Variants in DLC1 observed in about 807,000 individuals in gnomAD.
DLC1 encodes rho GTPase-activating protein 7.
Under a neutral mutation model 140.3 loss-of-function variants are expected in DLC1, and 54 were observed. The observed-to-expected ratio is 0.38, with a 90% CI of 0.31 to 0.48. DLC1 has a LOEUF of 0.48. Among genes scored for constraint, DLC1 ranks in the 20% least tolerant of loss-of-function variants. The probability of loss-of-function intolerance (pLI) is 0.96; values close to 1 mark genes in which losing one functional copy is unlikely to be tolerated. For synonymous variants in DLC1, 986 were observed against 728.1 expected (o/e 1.35, Z -5.70); for missense variants, 2,536 against 1,907.0 (o/e 1.33, Z -6.14).
At chr8:13,235,878 GC>G (rs1829253730) in intron 5 of DLC1, among the ~76,000 whole-genome samples, 1 of 151,812 alleles carries the variant, frequency 6.6e-6, no homozygotes, top group Admixed American at 6.6e-5. Context: ...ACTATAAATA[GC>G]TGACATCTAT....
chr8:13,217,449 C>A (rs1828256800), intron 5 of DLC1, among the ~76,000 whole-genome samples: 1 of 152,128 alleles, frequency 6.6e-6, no homozygotes, highest in Non-Finnish European at 1.5e-5. Context: ...CACTCAATAG[C>A]CATGTTATGT....
chr8:13,174,014 C>T (rs1375154278), intron 5 of DLC1, among the ~76,000 whole-genome samples: 3 of 152,118 alleles, frequency 2.0e-5, no homozygotes, highest in Non-Finnish European at 4.4e-5. Flanking sequence ...TGTTTCCCTC[C>T]TTCACTCTTC....
chr8:13,481,029 A>C (rs553994339), intron 2 of DLC1, among the ~76,000 whole-genome samples: 23 of 152,352 alleles, frequency 1.5e-4, no homozygotes, highest in South Asian at 8.3e-4. Flanking sequence ...AATTGGAGGA[A>C]AAGATGGCAG....
At chr8:13,333,768 A>G (rs1833699481) in intron 4 of DLC1, among the ~76,000 whole-genome samples, 1 of 152,080 alleles carries the variant, frequency 6.6e-6, no homozygotes, top group Admixed American at 6.6e-5. Flanking sequence ...CTCCTTCTTT[A>G]CCTAACATCA....
chr8:13,431,515 A>AAG (rs1838869457), intron 2 of DLC1, among the ~76,000 whole-genome samples: 2 of 134,726 alleles, frequency 1.5e-5, no homozygotes, highest in East Asian at 2.2e-4. Context: ...AAAAAAAAAA[A>AAG]GAAAAGAATC....
At chr8:13,554,622 A>T (rs1476305501) in intron 1 of DLC1, among the ~76,000 whole-genome samples, 1 of 152,060 alleles carries the variant, frequency 6.6e-6, no homozygotes, top group Non-Finnish European at 1.5e-5. Context: ...CCTCATTCCC[A>T]AACCCTCTAA....
At chr8:13,215,801 T>C (rs548077154) in intron 5 of DLC1, among the ~76,000 whole-genome samples, 1 of 152,324 alleles carries the variant, frequency 6.6e-6, no homozygotes, top group South Asian at 2.1e-4. Context: ...CATATATTTT[T>C]CACTCGTAAT....
At chr8:13,337,882 A>G (rs73566404) in intron 4 of DLC1, among the ~76,000 whole-genome samples, 11,375 of 152,200 alleles carry the variant, frequency 0.075, 497 homozygotes, top group South Asian at 0.094. Context: ...TGCTAGTGAT[A>G]TAAACTCCAT....
chr8:13,395,464 C>T (rs75159737), intron 3 of DLC1, among the ~76,000 whole-genome samples: 4 of 152,066 alleles, frequency 2.6e-5, no homozygotes, highest in Admixed American at 6.5e-5. Context: ...ATCTATGCAT[C>T]GCAAGAGTAA....
chr8:13,514,784 G>T lies in DLC1; in HGVS notation c.-308C>A. The T allele has an allele frequency of 2.5e-6, 1 of 396,618 alleles. No homozygotes were observed. The highest frequency in any genetic ancestry group is 1.4e-4 in the South Asian group (1 of 7,314). 24.6% of individuals were successfully genotyped at this position (396,618 alleles called of 1,614,324 possible). A position where few individuals can be genotyped will look rare whatever the true frequency, so the allele number is the denominator to read the frequency against. The stretch of plus-strand genomic sequence containing the variant: ...AACAAAAACACCCTCTGCAGCTGGA[G>T]GGAGCCTTAGCTAAGGCAGGATCCT... On this transcript the variant is annotated 5_prime_UTR_variant, in exon 1 of 18. Transcript: ENST00000276297.
chr8:13,461,028 C>T (rs1490904548), intron 2 of DLC1, among the ~76,000 whole-genome samples: 1 of 152,128 alleles, frequency 6.6e-6, no homozygotes, highest in African/African-American at 2.4e-5. Context: ...GCCTGGGCAA[C>T]AGAGCAAGAC....
intron 16 of DLC1, among the ~76,000 whole-genome samples, chr8:13,087,100 C>T (rs905663989): frequency 6.6e-6 from 1 of 152,200 alleles, no homozygotes; most frequent in Non-Finnish European, 1.5e-5. Flanking sequence ...TGGGATGACA[C>T]AGCAAAAAGA....
chr8:13,165,337 A>G (rs760040857), intron 5 of DLC1, among the ~76,000 whole-genome samples: 35 of 152,194 alleles, frequency 2.3e-4, no homozygotes, highest in Non-Finnish European at 3.5e-4. Context: ...TACTTCAGAA[A>G]GGGAATAAGT....
intron 4 of DLC1, among the ~76,000 whole-genome samples, chr8:13,359,960 A>C (rs1016429244): frequency 2.6e-5 from 4 of 152,342 alleles, no homozygotes; most frequent in South Asian, 4.1e-4. Context: ...GACACTTGTT[A>C]ATAAGATTTA....
chr8:13,305,980 C>T (rs572227387), intron 4 of DLC1, among the ~76,000 whole-genome samples: 17 of 152,272 alleles, frequency 1.1e-4, no homozygotes, highest in African/African-American at 3.6e-4. Flanking sequence ...CAAATCTCTT[C>T]CCTGTTGCTT....
Position 13,514,642 on chromosome 8 carries a change from T to G in DLC1, c.-166A>C, listed in dbSNP as rs1802525233. ...CTGAAACGCCAAGGCATGACACTGCTCAACACTCAGGCTAGGAAAGAAGTC... is the reference window on the plus strand; with the variant it reads ...CTGAAACGCCAAGGCATGACACTGCGCAACACTCAGGCTAGGAAAGAAGTC... On this transcript the variant is annotated 5_prime_UTR_variant, in exon 1 of 18. Coordinates refer to ENST00000276297, the MANE Select transcript of DLC1 (RefSeq NM_182643.3). 1 of 398,454 alleles carries G rather than the reference T, an allele frequency of 2.5e-6. No homozygotes were observed. The highest frequency in any genetic ancestry group is 4.4e-5 in the Admixed American group (1 of 22,710). 24.7% of individuals were successfully genotyped at this position (398,454 alleles called of 1,614,324 possible). A position where few individuals can be genotyped will look rare whatever the true frequency, so the allele number is the denominator to read the frequency against.
At chr8:13,402,455 T>TA (rs532226130) in intron 2 of DLC1, among the ~76,000 whole-genome samples, 38 of 151,322 alleles carry the variant, frequency 2.5e-4, no homozygotes, top group East Asian at 9.7e-4. Context: ...CGGTATTGGC[T>TA]AAAAAAAAAT....
At chr8:13,098,313 G>C (rs941385658) in intron 10 of DLC1, 86 bp downstream of exon 10, 153 of 1,478,350 alleles carry the variant, frequency 1.0e-4, no homozygotes, top group Non-Finnish European at 1.4e-4. Context: ...GGAGAGAAGT[G>C]TCATTTTTTA....
chr8:13,214,464 C>G, intron 5 of DLC1: 1 of 634,646 alleles, frequency 1.6e-6, no homozygotes, highest in Non-Finnish European at 2.8e-6. Context: ...GTGGTCTGTG[C>G]TGACTGTTGG....
Sources: allele counts gnomAD v4.1 joint callset (sites outside exome capture counted in the v4.1 genomes callset), GRCh38; gene constraint gnomAD v4.1.1; transcripts MANE v1.5; gene names NCBI Gene and HGNC (gene_info 2026-07-23, HGNC 2026-07-21).